Variants in TRPM6 observed in about 807,000 individuals in gnomAD.
The protein encoded by TRPM6 is channel kinase 2.
Under a neutral mutation model 247.6 loss-of-function variants are expected in TRPM6, and 111 were observed. That is an observed-to-expected ratio of 0.45 (90% confidence interval 0.38 to 0.52). The LOEUF is 0.52. Among genes scored for constraint, TRPM6 ranks in the 20% least tolerant of loss-of-function variants. TRPM6 has a pLI of 0.00. For synonymous variants in TRPM6, 892 were observed against 853.8 expected (o/e 1.04, Z -0.78); for missense variants, 2,126 against 2,421.5 (o/e 0.88, Z 2.56).
chr9:74,731,595 A>C (rs959361675), intron 37 of TRPM6, among the ~76,000 whole-genome samples: 7 of 151,600 alleles, frequency 4.6e-5, no homozygotes, highest in Non-Finnish European at 1.0e-4. Context: ...TAAATCACTC[A>C]GTAAAATAAC....
At chr9:74,747,972 C>A in intron 30 of TRPM6, 58 bp from the exon 31 acceptor site, 2 of 1,513,576 alleles carry the variant, frequency 1.3e-6, no homozygotes, top group South Asian at 2.3e-5. Flanking sequence ...TTACAGTTAT[C>A]AAAAAAAGGA....
At chr9:74,731,342 A>G (rs1390413990) in intron 37 of TRPM6, among the ~76,000 whole-genome samples, 1 of 152,196 alleles carries the variant, frequency 6.6e-6, no homozygotes, top group East Asian at 1.9e-4. Context: ...TTAGGCACAC[A>G]GGACTACTGA....
chr9:74,764,882 C>G (rs1383108743), intron 25 of TRPM6, among the ~76,000 whole-genome samples: 1 of 152,082 alleles, frequency 6.6e-6, no homozygotes, highest in Non-Finnish European at 1.5e-5. Context: ...AGGACATGAA[C>G]AGATGAAAGG....
At chr9:74,841,867 G>T (rs1228296692) in intron 4 of TRPM6, among the ~76,000 whole-genome samples, 5 of 152,122 alleles carry the variant, frequency 3.3e-5, no homozygotes, top group Non-Finnish European at 7.4e-5. Flanking sequence ...CTGAACATCA[G>T]GAACGGTGCA....
intron 17 of TRPM6, 29 bp downstream of exon 17, chr9:74,800,225 A>C: frequency 6.3e-7 from 1 of 1,590,836 alleles, no homozygotes; most frequent in Non-Finnish European, 8.6e-7. Context: ...CTAACATTAA[A>C]CTCCATAAGA....
intron 1 of TRPM6, among the ~76,000 whole-genome samples, chr9:74,860,858 A>C (rs1395880612): frequency 6.6e-6 from 1 of 152,134 alleles, no homozygotes; most frequent in Non-Finnish European, 1.5e-5. Flanking sequence ...TCTCTACAAA[A>C]TACAGGAATA....
At chr9:74,887,777 A>G (rs1356133614) in intron 1 of TRPM6, 47 bp downstream of exon 1, 1 of 1,614,114 alleles carries the variant, frequency 6.2e-7, no homozygotes, top group South Asian at 1.1e-5. Flanking sequence ...GATCTAGCGA[A>G]TCGCCTAAGG....
Position 74,762,901 on chromosome 9 carries a change from A to T in TRPM6, c.3770T>A (p.Ile1257Asn), listed in dbSNP as rs1183032867. 4 of 1,609,574 alleles carry T rather than the reference A, an allele frequency of 2.5e-6. No individual in the cohort carries two copies. The highest frequency in any genetic ancestry group is 3.4e-6 in the Non-Finnish European group (4 of 1,176,988). Residue 1257 changes from isoleucine to asparagine, a missense_variant, in exon 26 of 39, where the codon ATC becomes AAC. Physicochemically the swap from Ile to Asn is moderately radical, Grantham distance 149. Transcript: ENST00000360774. ...KKLPHSWSNV[I>N]CAEVLGSMEI... The stretch of plus-strand genomic sequence containing the variant: ...CATGCTGCCTAGAACCTCTGCACAG[A>T]TGACATTGCTCCAGCTGTGGGGAAG...
intron 25 of TRPM6, among the ~76,000 whole-genome samples, chr9:74,765,669 C>T (rs548628819): frequency 5.3e-5 from 8 of 152,284 alleles, no homozygotes; most frequent in East Asian, 3.9e-4. Context: ...AGGGAGAAGT[C>T]GTGATTATGC....
chr9:74,877,222 C>T (rs1158188979), intron 1 of TRPM6, among the ~76,000 whole-genome samples: 3 of 152,100 alleles, frequency 2.0e-5, no homozygotes, highest in Non-Finnish European at 2.9e-5. Flanking sequence ...TCCTAGGTAT[C>T]GCCCCAAAAG....
intron 28 of TRPM6, among the ~76,000 whole-genome samples, chr9:74,753,215 T>C (rs1826317133): frequency 6.6e-6 from 1 of 152,046 alleles, no homozygotes; most frequent in South Asian, 2.1e-4. Flanking sequence ...ATTCTTTTTG[T>C]AGCTGGTACC....
At chr9:74,726,338 T>A (rs1228117142) in intron 38 of TRPM6, among the ~76,000 whole-genome samples, 1 of 151,966 alleles carries the variant, frequency 6.6e-6, no homozygotes, top group African/African-American at 2.4e-5. Flanking sequence ...GGTGAAACCC[T>A]ATCTCTACTA....
Position 74,737,930 on chromosome 9 carries a change from T to C in TRPM6, c.5776+477A>G, listed in dbSNP as rs528078103. Among the ~76,000 whole-genome samples the C allele has an allele frequency of 1.3e-3, 204 of 152,168 alleles. 1 individual carries two copies. Among genetic ancestry groups the C allele is most frequent in the African/African-American group, 4.7e-3 (197 of 41,510 alleles). Reference sequence around the variant, plus strand: ...ACCAAAGGCTTCCATTAAATAAGAGTGTGCTGTGTTGCCTCTCTCAGTCTG... The same window carrying C: ...ACCAAAGGCTTCCATTAAATAAGAGCGTGCTGTGTTGCCTCTCTCAGTCTG... On this transcript the variant is annotated intron_variant, in intron 36 of 38. Transcript: ENST00000360774.
intron 16 of TRPM6, among the ~76,000 whole-genome samples, chr9:74,801,588 G>C (rs1828339974): frequency 6.6e-6 from 1 of 152,008 alleles, no homozygotes. Context: ...TAGAGTTAGG[G>C]GGAGCTTTCA....
intron 14 of TRPM6, among the ~76,000 whole-genome samples, chr9:74,806,367 C>A (rs1270063936): frequency 6.6e-6 from 1 of 152,108 alleles, no homozygotes; most frequent in Non-Finnish European, 1.5e-5. Flanking sequence ...CTCAAGCAAT[C>A]CTCCTGCCTT....
intron 26 of TRPM6, 74 bp from the exon 27 acceptor site, chr9:74,761,882 A>G: frequency 6.6e-7 from 1 of 1,507,176 alleles, no homozygotes; most frequent in Non-Finnish European, 9.2e-7. Context: ...GAAAAAGCTG[A>G]GAGAATGGGG....
At chr9:74,758,254 G>A (rs540993675) in intron 27 of TRPM6, among the ~76,000 whole-genome samples, 4 of 152,058 alleles carry the variant, frequency 2.6e-5, no homozygotes, top group Non-Finnish European at 5.9e-5. Flanking sequence ...CTGAAGAGGA[G>A]GGAATACTTC....
At position 74,775,970 on chromosome 9, in the gene TRPM6, T is replaced by G; in HGVS notation, c.3316A>C (p.Ile1106Leu). 6.2e-7 allele frequency: 1 copy of G among 1,614,082 alleles called. No individual in the cohort carries two copies. Among genetic ancestry groups the G allele is most frequent in the Non-Finnish European group, 8.5e-7 (1 of 1,180,004 alleles). Residue 1106 changes from isoleucine (I) to leucine (L), a missense_variant, in exon 24 of 39, where the codon ATC becomes CTC. Physicochemically the swap from Ile to Leu is conservative, Grantham distance 5. Around this residue, in one of 3 missense-constraint regions of TRPM6, gnomAD observed 717 missense variants for 715.9 expected, o/e 1.00. Coordinates refer to ENST00000360774, the MANE Select transcript of TRPM6 (RefSeq NM_017662.5). ...AGAAGGCCCACGTGGCTCAGCAGGA[T>G]GAGAGGTGGGGGCAGCCAGGGCTTC... ...HEKPWLPPPL[I>L]LLSHVGLLLR...
At chr9:74,878,284 C>T (rs1451902130) in intron 1 of TRPM6, among the ~76,000 whole-genome samples, 1 of 152,164 alleles carries the variant, frequency 6.6e-6, no homozygotes, top group Non-Finnish European at 1.5e-5. Context: ...TTGCCACTGA[C>T]AGCACCCAAG....
Sources: allele counts gnomAD v4.1 joint callset (sites outside exome capture counted in the v4.1 genomes callset), GRCh38; gene constraint gnomAD v4.1.1; regional missense constraint gnomAD v4.1.1; transcripts MANE v1.5; gene names NCBI Gene and HGNC (gene_info 2026-07-23, HGNC 2026-07-21).